ROBO1: variants seen among roughly 807,000 people sequenced by gnomAD.
ROBO1 encodes roundabout homolog 1.
Under a neutral mutation model 195.9 loss-of-function variants are expected in ROBO1, and 149 were observed. That is an observed-to-expected ratio of 0.76 (90% CI 0.67 to 0.87). The LOEUF (loss-of-function observed/expected upper bound fraction) is 0.87, where lower values mean the gene tolerates loss of function less well. ROBO1 is among the 40% of genes least tolerant of loss of function. ROBO1 has a pLI of 0.00. For synonymous variants in ROBO1, 816 were observed against 733.2 expected, an observed-to-expected ratio of 1.11 and a Z score of -1.82; for missense variants, 1,933 against 2,068.3, an observed-to-expected ratio of 0.93 and a Z score of 1.27.
At chr3:78,897,173 T>C (rs1456319597) in intron 4 of ROBO1, among the ~76,000 whole-genome samples, 1 of 152,176 alleles carries the variant, frequency 6.6e-6, no homozygotes, top group East Asian at 1.9e-4. Flanking sequence ...AGACCAGTGA[T>C]TCAAAAACTT....
intron 4 of ROBO1, among the ~76,000 whole-genome samples, chr3:78,759,993 C>T (rs182101468): frequency 2.6e-5 from 4 of 152,194 alleles, no homozygotes; most frequent in African/African-American, 4.8e-5. Flanking sequence ...TGTATTCCCA[C>T]GTGTTGTGGG....
chr3:79,659,517 C>G, intron 1 of ROBO1, among the ~76,000 whole-genome samples: 1 of 151,762 alleles, frequency 6.6e-6, no homozygotes, highest in Non-Finnish European at 1.5e-5. Flanking sequence ...TTGGATAAGA[C>G]TCATTAGGCC....
At chr3:78,786,547 C>T (rs1402222941) in intron 4 of ROBO1, among the ~76,000 whole-genome samples, 1 of 152,128 alleles carries the variant, frequency 6.6e-6, no homozygotes, top group African/African-American at 2.4e-5. Context: ...CTGTAGCTCC[C>T]ATAATCTCCA....
chr3:78,983,223 T>C (rs1178311727), intron 3 of ROBO1, among the ~76,000 whole-genome samples: 1 of 152,236 alleles, frequency 6.6e-6, no homozygotes, highest in East Asian at 1.9e-4. Flanking sequence ...CGCAGCTATC[T>C]ATTAGAGCTA....
At chr3:79,107,720 A>C (rs1380538330) in intron 3 of ROBO1, among the ~76,000 whole-genome samples, 1 of 151,758 alleles carries the variant, frequency 6.6e-6, no homozygotes, top group Non-Finnish European at 1.5e-5. Context: ...CAGGTAATTT[A>C]CAAACATTGG....
intron 1 of ROBO1, among the ~76,000 whole-genome samples, chr3:79,598,033 C>A (rs1353935597): frequency 6.6e-6 from 1 of 151,562 alleles, no homozygotes; most frequent in Non-Finnish European, 1.5e-5. Context: ...CTAATTAATT[C>A]TCATCACACT....
intron 5 of ROBO1, among the ~76,000 whole-genome samples, chr3:78,732,538 C>T (rs533288655): frequency 1.8e-4 from 28 of 152,228 alleles, no homozygotes; most frequent in African/African-American, 6.5e-4. Flanking sequence ...CAAACATGTG[C>T]TTATTATCAT....
chr3:79,421,685 AACAAT>A (rs1353062112), intron 2 of ROBO1, among the ~76,000 whole-genome samples: 1 of 152,164 alleles, frequency 6.6e-6, no homozygotes, highest in Non-Finnish European at 1.5e-5. Flanking sequence ...AAATGAGGGT[AACAAT>A]ACTATCTGAT....
At chr3:79,730,115 T>C (rs554838920) in intron 1 of ROBO1, among the ~76,000 whole-genome samples, 1 of 152,334 alleles carries the variant, frequency 6.6e-6, no homozygotes, top group Admixed American at 6.5e-5. Context: ...TACTAGGTGC[T>C]AAGGATCTTT....
intron 4 of ROBO1, among the ~76,000 whole-genome samples, chr3:78,858,632 C>T (rs1301735476): frequency 1.3e-5 from 2 of 150,860 alleles, no homozygotes; most frequent in Non-Finnish European, 3.0e-5. Flanking sequence ...GGCTTGTAAT[C>T]CCAGCTACTC....
chr3:79,583,364 C>G (rs901631691), intron 2 of ROBO1, among the ~76,000 whole-genome samples: 1 of 151,836 alleles, frequency 6.6e-6, no homozygotes, highest in Non-Finnish European at 1.5e-5. Flanking sequence ...GGAAATGTGT[C>G]TAAGGGTGGA....
chr3:79,388,558 A>AG (rs2036837309), intron 2 of ROBO1, among the ~76,000 whole-genome samples: 1 of 152,086 alleles, frequency 6.6e-6, no homozygotes, highest in South Asian at 2.1e-4. Context: ...CTAGCATTGC[A>AG]GAAAAAAAAA....
At chr3:78,601,845 C>A (rs571642420) in intron 29 of ROBO1, among the ~76,000 whole-genome samples, 2 of 152,218 alleles carry the variant, frequency 1.3e-5, no homozygotes, top group East Asian at 3.9e-4. Flanking sequence ...TGCTCTTAAT[C>A]AATGCAAATA....
chr3:79,513,335 T>C (rs1336355269), intron 2 of ROBO1, among the ~76,000 whole-genome samples: 1 of 152,088 alleles, frequency 6.6e-6, no homozygotes, highest in Non-Finnish European at 1.5e-5. Flanking sequence ...AATAGAAGTA[T>C]GTTAATATAT....
intron 4 of ROBO1, among the ~76,000 whole-genome samples, chr3:78,860,139 G>GTAGATAGATAGATAGATAGATAGA (rs766675007): frequency 7.0e-6 from 1 of 141,976 alleles, no homozygotes; most frequent in Non-Finnish European, 1.5e-5. Context: ...AGGTAGATAG[G>GTAGATAGATAGATAGATAGATAGA]TAGATAGATA....
At chr3:79,288,760 C>T (rs2032051272) in intron 2 of ROBO1, among the ~76,000 whole-genome samples, 1 of 152,108 alleles carries the variant, frequency 6.6e-6, no homozygotes, top group Non-Finnish European at 1.5e-5. Flanking sequence ...TTTATTTCTC[C>T]TCACCTGTTA....
intron 3 of ROBO1, among the ~76,000 whole-genome samples, chr3:79,040,437 T>A (rs1437499969): frequency 6.6e-6 from 1 of 152,166 alleles, no homozygotes; most frequent in East Asian, 1.9e-4. Context: ...CTTATAATCT[T>A]AAAAACTAAA....
At position 79,731,277 on chromosome 3, in the gene ROBO1, G is replaced by C. The variant is rs536576826; in HGVS notation, c.-51+36475C>G. Among the ~76,000 whole-genome samples the C allele has an allele frequency of 1.3e-5, 2 of 152,210 alleles. 1 individual carries two copies. The highest frequency in any genetic ancestry group is 4.1e-4 in the South Asian group (2 of 4,820). ...AAATGAGATGCTTAGAAAGACACAA[G>C]ACAATTAATTGTATGGTATTTTAAT... is the stretch of plus-strand genomic sequence containing the variant. On this transcript the variant is annotated intron_variant, in intron 1 of 30. Coordinates refer to ENST00000464233, the MANE Select transcript of ROBO1 (RefSeq NM_002941.4).
intron 2 of ROBO1, among the ~76,000 whole-genome samples, chr3:79,329,493 T>C (rs2034346029): frequency 6.6e-6 from 1 of 152,192 alleles, no homozygotes; most frequent in East Asian, 1.9e-4. Context: ...TAATTTGTTT[T>C]CTTATAAAAT....
Sources: gnomAD v4.1 joint callset for allele counts (sites outside exome capture counted in the v4.1 genomes callset) on GRCh38, gnomAD v4.1.1 for gene constraint, MANE v1.5 for transcripts, NCBI Gene and HGNC (gene_info 2026-07-23, HGNC 2026-07-21) for gene names.